The following EXTL1 variants were observed in gnomAD, a reference collection of about 807,000 sequenced individuals.
EXTL1 encodes the protein exostosin like glycosyltransferase 1, also known as exostosin-like 1.
In EXTL1, 43 loss-of-function variants were observed where a neutral mutation model predicts 64.6. The observed-to-expected ratio is 0.67, with a 90% CI of 0.52 to 0.86. The LOEUF (loss-of-function observed/expected upper bound fraction) is 0.86, where lower values mean the gene tolerates loss of function less well. Among genes scored for constraint, EXTL1 ranks in the 40% least tolerant of loss-of-function variants. The pLI is 0.00. For synonymous variants in EXTL1, 352 were observed against 360.5 expected (o/e 0.98, Z 0.27); for missense variants, 766 against 879.0 (o/e 0.87, Z 1.62).
rs374437633 is a variant in EXTL1, at chr1:26,030,627, T to C, written c.1101+32T>C. 59 of 1,587,380 alleles carry C rather than the reference T, an allele frequency of 3.7e-5. No homozygotes were observed. In the African/African-American group the frequency reaches 7.8e-4, roughly 21 times the overall value. On this transcript the variant is annotated intron_variant, in intron 4 of 10. Coordinates refer to ENST00000374280, the MANE Select transcript of EXTL1 (RefSeq NM_004455.3). The stretch of plus-strand genomic sequence containing the variant: ...GGTCTCACCTGATGGGGGTCCTGGC[T>C]CTTGACTCCTGCTTCATCCCTGTCA...
In EXTL1 at chr1:26,034,925, A is replaced by G. The variant is rs1326676928; in HGVS notation, c.1769A>G (p.Asn590Ser). The change falls in exon 10 of 11, where the codon AAT becomes AGT. Residue 590 changes from asparagine to serine, a missense_variant. Asn to Ser is a conservative substitution (Grantham distance 46, BLOSUM62 1). Coordinates refer to ENST00000374280, the MANE Select transcript of EXTL1 (RefSeq NM_004455.3). This position sits in a 1 kb window ranked among gnomAD's most constrained non-coding sequence, Gnocchi z 4.6. ...CCCACCTGTGTGGACGTCCTGATGA[A>G]TTTCATAGTAGCAGCAGTCACCAAG... ...EAPTCVDVLMNFIVAAVTKLP... is the reference protein window; with the variant it reads ...EAPTCVDVLMSFIVAAVTKLP... 6.2e-7 allele frequency: 1 copy of G among 1,614,138 alleles called. No homozygotes were observed. Among genetic ancestry groups the G allele is most frequent in the Admixed American group, 1.7e-5 (1 of 60,024 alleles).
chr1:26,032,162 C>G, intron 6 of EXTL1: 1 of 492,330 alleles, frequency 2.0e-6, no homozygotes, highest in Non-Finnish European at 3.6e-6. Context: ...CTCTTGAGTT[C>G]TGAAGCCACA....
Position 26,032,453 on chromosome 1 carries a change from G to A in EXTL1, c.1399G>A (p.Val467Met). The change falls in exon 7 of 11, where the codon GTG (valine) becomes ATG (methionine). Residue 467 changes from valine (V) to methionine (M), a missense_variant. Val to Met is a conservative substitution (Grantham distance 21). Transcript: ENST00000374280. Reference protein sequence around the residue: ...PLPSRWPETAVPLTVIDGHRK... With the variant: ...PLPSRWPETAMPLTVIDGHRK... ...CCCATCCAGGTGGCCGGAGACAGCTGTGCCCTTGACAGTCATTGATGGGCA... is the reference window on the plus strand; with the variant it reads ...CCCATCCAGGTGGCCGGAGACAGCTATGCCCTTGACAGTCATTGATGGGCA... The A allele has an allele frequency of 6.4e-7, 1 of 1,553,622 alleles. No homozygotes were observed. The highest frequency in any genetic ancestry group is 8.7e-7 in the Non-Finnish European group (1 of 1,148,096).
intron 6 of EXTL1, chr1:26,032,046 G>C (rs41284317): frequency 0.011 from 2,701 of 255,404 alleles, 19 homozygotes; most frequent in Non-Finnish European, 0.014. Flanking sequence ...CCATTGAGCT[G>C]GGCTGGGAGT....
In EXTL1 at chr1:26,025,574, C is replaced by A. The variant is rs539362142; in HGVS notation, c.779+2149C>A. On this transcript the variant is annotated intron_variant, in intron 1 of 10. Coordinates refer to ENST00000374280, the MANE Select transcript of EXTL1 (RefSeq NM_004455.3). The surrounding 1 kb of genome is among the most constrained non-coding windows in gnomAD (Gnocchi z 5.3). The stretch of plus-strand genomic sequence containing the variant: ...TTCTGGCTCCAAAGCCCATGTTTTT[C>A]CACCTTGGTTGAACGGTCTCTTGTT... Among the ~76,000 whole-genome samples, 1 of 152,300 alleles carries A rather than the reference C, an allele frequency of 6.6e-6. No individual in the cohort carries two copies. Among genetic ancestry groups the A allele is most frequent in the East Asian group, 1.9e-4 (1 of 5,186 alleles).
Position 26,033,127 on chromosome 1 carries a change from C to A in EXTL1, c.1432-102C>A. 1 of 822,272 alleles carries A rather than the reference C, an allele frequency of 1.2e-6. No individual in the cohort carries two copies. The highest frequency in any genetic ancestry group is 2.1e-6 in the Non-Finnish European group (1 of 478,008). The allele number at this position is 822,272 out of a possible 1,614,324, so 50.9% of individuals were successfully genotyped here. On this transcript the variant is annotated intron_variant, in intron 7 of 10. Coordinates refer to ENST00000374280, the MANE Select transcript of EXTL1 (RefSeq NM_004455.3). This position sits in a 1 kb window ranked among gnomAD's most constrained non-coding sequence, Gnocchi z 5.1. ...ACTGTGCCTGAAGGGAGGCTTTATT[C>A]ATGGCTCAGGCGTCTACACTGTGCC...
Position 26,035,170 on chromosome 1 carries a change from TG to T in EXTL1, c.1859del (p.Gly620AlafsTer19). On this transcript the variant is annotated frameshift_variant, in exon 11 of 11. Coordinates refer to ENST00000374280, the MANE Select transcript of EXTL1 (RefSeq NM_004455.3). LOFTEE classifies it low-confidence loss of function (END_TRUNC). This position sits in a 1 kb window ranked among gnomAD's most constrained non-coding sequence, Gnocchi z 5.3. ...ATTGCTTCTTTCCCTCTTAGGCGCC[TG>T]GGGGCCCGGGGCCCAGGCCAAAGCC... The part of the protein sequence containing the change: ...QRQEAAPLAP[G>X]GPGPRPKPPA... 6.2e-7 allele frequency: 1 copy of T among 1,601,696 alleles called. No individual in the cohort carries two copies. The highest frequency in any genetic ancestry group is 2.2e-5 in the East Asian group (1 of 44,602).
Position 26,035,384 on chromosome 1 carries a change from C to T in EXTL1, c.*37C>T. 1 of 1,547,648 alleles carries T rather than the reference C, an allele frequency of 6.5e-7. No individual in the cohort carries two copies. The highest frequency in any genetic ancestry group is 1.4e-5 in the African/African-American group (1 of 72,706). The stretch of plus-strand genomic sequence containing the variant: ...GCGGAGACCCCAGCAGAGGTCGCAG[C>T]CCAGCTCCCAGGGGGCCCGGCGCCT... On this transcript the variant is annotated 3_prime_UTR_variant, in exon 11 of 11. Transcript: ENST00000374280. The surrounding 1 kb of genome is among the most constrained non-coding windows in gnomAD (Gnocchi z 5.3).
intron 1 of EXTL1, among the ~76,000 whole-genome samples, chr1:26,027,709 G>GAAAAAAAAAAAAAAAT (rs2050234070): frequency 1.1e-5 from 1 of 88,892 alleles, no homozygotes; most frequent in Non-Finnish European, 2.2e-5. Context: ...AAAAAAAAAA[G>GAAAAAAAAAAAAAAAT]CCAGCACGTG....
Position 26,022,291 on chromosome 1 carries a change from C to G in EXTL1, c.-356C>G. ...CAGCCAGGAGGGCAGGGGGACACGG[C>G]CCTGCATTCTGGACAGGGGTTGCGT... is the stretch of plus-strand genomic sequence containing the variant. On this transcript the variant is annotated 5_prime_UTR_variant, in exon 1 of 11. Transcript: ENST00000374280. 1 of 222,716 alleles carries G rather than the reference C, an allele frequency of 4.5e-6. No homozygotes were observed. Among genetic ancestry groups the G allele is most frequent in the Non-Finnish European group, 8.8e-6 (1 of 114,236 alleles). 13.8% of individuals were successfully genotyped at this position (222,716 alleles called of 1,614,324 possible).
In EXTL1 at chr1:26,033,965, C is replaced by A; in HGVS notation, c.1679+109C>A. On this transcript the variant is annotated intron_variant, in intron 9 of 10. Coordinates refer to ENST00000374280, the MANE Select transcript of EXTL1 (RefSeq NM_004455.3). This position sits in a 1 kb window ranked among gnomAD's most constrained non-coding sequence, Gnocchi z 5.1. ...AGACCCCAGGGATCCAGGTTCAAGGCCGAGATCTGCCACTTCCCAGCTGTG... is the reference window on the plus strand; with the variant it reads ...AGACCCCAGGGATCCAGGTTCAAGGACGAGATCTGCCACTTCCCAGCTGTG... The A allele has an allele frequency of 2.2e-6, 2 of 911,192 alleles. No individual in the cohort carries two copies. Among genetic ancestry groups the A allele is most frequent in the Non-Finnish European group, 3.1e-6 (2 of 651,422 alleles). 56.4% of individuals were successfully genotyped at this position (911,192 alleles called of 1,614,324 possible).
At position 26,035,016 on chromosome 1, in the gene EXTL1, G is replaced by A. The variant is rs778298463; in HGVS notation, c.1848+12G>A. 2 of 1,613,850 alleles carry A rather than the reference G, an allele frequency of 1.2e-6. No homozygotes were observed. Among genetic ancestry groups the A allele is most frequent in the Non-Finnish European group, 1.7e-6 (2 of 1,179,792 alleles). On this transcript the variant is annotated intron_variant, in intron 10 of 10. Coordinates refer to ENST00000374280, the MANE Select transcript of EXTL1 (RefSeq NM_004455.3). This position sits in a 1 kb window ranked among gnomAD's most constrained non-coding sequence, Gnocchi z 5.3. ...AGGCTGCTCCACTGGTGAGGGCTGA[G>A]GGGGATTGGTCGGAACTGGCAGGGA... is the stretch of plus-strand genomic sequence containing the variant.
In EXTL1 at chr1:26,033,962, A is replaced by ATGATAC; in HGVS notation, c.1679+106_1679+107insTGATAC. On this transcript the variant is annotated intron_variant, in intron 9 of 10. Coordinates refer to ENST00000374280, the MANE Select transcript of EXTL1 (RefSeq NM_004455.3). This position sits in a 1 kb window ranked among gnomAD's most constrained non-coding sequence, Gnocchi z 5.1. ...CCTAGACCCCAGGGATCCAGGTTCA[A>ATGATAC]GGCCGAGATCTGCCACTTCCCAGCT... 1 of 1,054,172 alleles carries ATGATAC rather than the reference A, an allele frequency of 9.5e-7. No individual in the cohort carries two copies. The highest frequency in any genetic ancestry group is 1.3e-6 in the Non-Finnish European group (1 of 767,210). 65.3% of individuals were successfully genotyped at this position (1,054,172 alleles called of 1,614,324 possible).
intron 3 of EXTL1, among the ~76,000 whole-genome samples, 188 bp downstream of exon 3, chr1:26,029,895 G>C (rs1278027612): frequency 6.6e-6 from 1 of 152,176 alleles, no homozygotes; most frequent in Non-Finnish European, 1.5e-5. Flanking sequence ...AGATTCCTAA[G>C]GGTTCTGAGA....
rs1553142822 is a variant in EXTL1, at chr1:26,035,557, T to TGAGCCCCGCGACCG, written c.*215_*228dup. The TGAGCCCCGCGACCG allele has an allele frequency of 2.2e-6, 1 of 458,884 alleles. No individual in the cohort carries two copies. The highest frequency in any genetic ancestry group is 3.9e-6 in the Non-Finnish European group (1 of 258,688). The allele number at this position is 458,884 out of a possible 1,614,324, so 28.4% of individuals were successfully genotyped here. On this transcript the variant is annotated 3_prime_UTR_variant, in exon 11 of 11. Transcript: ENST00000374280. The surrounding 1 kb of genome is among the most constrained non-coding windows in gnomAD (Gnocchi z 5.3). Reference sequence around the variant, plus strand: ...TCAGCCGCGGAGCCTCTGCGGAGGCTGAGCCCCGCGACCGGAGCGCCGCTC... The same window carrying TGAGCCCCGCGACCG: ...TCAGCCGCGGAGCCTCTGCGGAGGCTGAGCCCCGCGACCGGAGCCCCGCGACCGGAGCGCCGCTC...
In EXTL1 at chr1:26,025,399, G is replaced by A. The variant is rs1405877866; in HGVS notation, c.779+1974G>A. ...TGATCCTGTCATGCACCCTTCAAGG[G>A]AGGTATTATTATCTCCATTTCAGGG... is the stretch of plus-strand genomic sequence containing the variant. On this transcript the variant is annotated intron_variant, in intron 1 of 10. Coordinates refer to ENST00000374280, the MANE Select transcript of EXTL1 (RefSeq NM_004455.3). This position sits in a 1 kb window ranked among gnomAD's most constrained non-coding sequence, Gnocchi z 5.3. Among the ~76,000 whole-genome samples the A allele has an allele frequency of 6.6e-6, 1 of 152,196 alleles. No individual in the cohort carries two copies. The highest frequency in any genetic ancestry group is 1.5e-5 in the Non-Finnish European group (1 of 68,034).
rs2050326358 is a variant in EXTL1, at chr1:26,035,223, A to G, written c.1907A>G (p.Asn636Ser). The change falls in exon 11 of 11, where the codon AAC becomes AGC. Residue 636 changes from asparagine (N) to serine (S), a missense_variant. By Grantham distance (46) the Asn-to-Ser change is conservative. Coordinates refer to ENST00000374280, the MANE Select transcript of EXTL1 (RefSeq NM_004455.3). The surrounding 1 kb of genome is among the most constrained non-coding windows in gnomAD (Gnocchi z 5.3). ...KPPAPAPDCINQIAAAFGHMP... is the reference protein window; with the variant it reads ...KPPAPAPDCISQIAAAFGHMP... ...CCTGCCCCAGCCCCCGACTGCATCA[A>G]CCAGATAGCGGCAGCGTTCGGCCAC... 6.2e-7 allele frequency: 1 copy of G among 1,613,404 alleles called. No individual in the cohort carries two copies. The highest frequency in any genetic ancestry group is 8.5e-7 in the Non-Finnish European group (1 of 1,179,832).
intron 2 of EXTL1, 70 bp from the exon 3 acceptor site, chr1:26,029,530 T>A: frequency 1.1e-6 from 1 of 942,066 alleles, no homozygotes; most frequent in Non-Finnish European, 1.7e-6. Context: ...AGCTACTGAC[T>A]TGGAACTGGG....
chr1:26,023,430 G>C lies in EXTL1; in HGVS notation c.779+5G>C. The C allele has an allele frequency of 7.0e-7, 1 of 1,433,446 alleles. No individual in the cohort carries two copies. Among genetic ancestry groups the C allele is most frequent in the Admixed American group, 3.0e-5 (1 of 32,944 alleles). 88.8% of individuals were successfully genotyped at this position (1,433,446 alleles called of 1,614,324 possible). On this transcript the variant is annotated splice_donor_5th_base_variant and intron_variant, in intron 1 of 10. Transcript: ENST00000374280. ...GCAAGACCCTGGACCTGGGCAGTAAGTGAACCTTTTGCCTTGGGGGCTGGA... is the reference window on the plus strand; with the variant it reads ...GCAAGACCCTGGACCTGGGCAGTAACTGAACCTTTTGCCTTGGGGGCTGGA...
Sources: gnomAD v4.1 joint callset for allele counts (sites outside exome capture counted in the v4.1 genomes callset) on GRCh38, gnomAD v4.1.1 for gene constraint, Gnocchi (gnomAD v3.1) non-coding constraint, MANE v1.5 for transcripts, NCBI Gene and HGNC (gene_info 2026-07-23, HGNC 2026-07-21) for gene names.